Variants in FASTKD2 observed in about 807,000 individuals in gnomAD.
The protein encoded by FASTKD2 is FAST kinase domain-containing protein 2, mitochondrial.
FASTKD2 carries 51 observed loss-of-function variants against 63.6 expected under a neutral mutation model. The observed-to-expected ratio is 0.80, with a 90% CI of 0.64 to 1.01. FASTKD2 has a LOEUF of 1.01. FASTKD2 is among the 50% of genes least tolerant of loss of function. The probability of loss-of-function intolerance (pLI) is 0.00; values close to 1 mark genes in which losing one functional copy is unlikely to be tolerated. For synonymous variants in FASTKD2, 284 were observed against 293.4 expected (o/e 0.97, Z 0.33); for missense variants, 786 against 831.1 (o/e 0.95, Z 0.67).
rs1009660048 is a variant in FASTKD2, at chr2:206,796,163, A to G, written c.*4361A>G. 2.6e-5 allele frequency among the ~76,000 whole-genome samples: 4 copies of G among 152,252 alleles called. No individual in the cohort carries two copies. The highest frequency in any genetic ancestry group is 1.9e-4 in the East Asian group (1 of 5,204). On this transcript the variant is annotated 3_prime_UTR_variant, in exon 12 of 12. Coordinates refer to ENST00000402774, the MANE Select transcript of FASTKD2 (RefSeq NM_001136193.2). Reference sequence around the variant, plus strand: ...TGCACATATATATGTTATAGAATCAATAAAAATTGGATACTTTGCTTTAAA... The same window carrying G: ...TGCACATATATATGTTATAGAATCAGTAAAAATTGGATACTTTGCTTTAAA...
At chr2:206,774,422 T>G (rs1419901525) in intron 7 of FASTKD2, 25 bp downstream of exon 7, 1 of 1,447,948 alleles carries the variant, frequency 6.9e-7, no homozygotes, top group Non-Finnish European at 9.7e-7. Flanking sequence ...TTTTTTACCT[T>G]TTTTATTGCC....
In FASTKD2 at chr2:206,786,715, C is replaced by T. The variant is rs1361394406; in HGVS notation, c.1428-18C>T. 4 of 1,611,658 alleles carry T rather than the reference C, an allele frequency of 2.5e-6. No homozygotes were observed. Among genetic ancestry groups the T allele is most frequent in the Non-Finnish European group, 3.4e-6 (4 of 1,177,938 alleles). Reference sequence around the variant, plus strand: ...CCTTCTGTATATGTTGGGAAACTGACTTTTCTTTGTTCCCCAGACAGTTCG... The same window carrying T: ...CCTTCTGTATATGTTGGGAAACTGATTTTTCTTTGTTCCCCAGACAGTTCG... On this transcript the variant is annotated intron_variant, in intron 7 of 11. Coordinates refer to ENST00000402774, the MANE Select transcript of FASTKD2 (RefSeq NM_001136193.2).
intron 4 of FASTKD2, 87 bp downstream of exon 4, chr2:206,771,377 G>A (rs1391832806): frequency 2.5e-6 from 2 of 787,930 alleles, no homozygotes; most frequent in Non-Finnish European, 4.5e-6. Context: ...AATTTTCTAG[G>A]AGGACATTGC....
At chr2:206,775,060 T>C (rs1364789464) in intron 7 of FASTKD2, among the ~76,000 whole-genome samples, 4 of 152,046 alleles carry the variant, frequency 2.6e-5, no homozygotes, top group Admixed American at 2.0e-4. Flanking sequence ...TTGATCCACA[T>C]TGTAGCATGT....
chr2:206,787,921 C>G lies in FASTKD2; in HGVS notation c.1595-16C>G. 6.8e-7 allele frequency: 1 copy of G among 1,463,118 alleles called. No individual in the cohort carries two copies. The highest frequency in any genetic ancestry group is 2.3e-5 in the East Asian group (1 of 44,112). 90.6% of individuals were successfully genotyped at this position (1,463,118 alleles called of 1,614,324 possible). ...TTATTTCTTCTTAATGATATACTCT[C>G]TTTTTCATCTTTTAGATGACATGAA... is the stretch of plus-strand genomic sequence containing the variant. On this transcript the variant is annotated splice_polypyrimidine_tract_variant and intron_variant, in intron 8 of 11. Coordinates refer to ENST00000402774, the MANE Select transcript of FASTKD2 (RefSeq NM_001136193.2).
At position 206,767,104 on chromosome 2, in the gene FASTKD2, T is replaced by G. The variant is rs555751822; in HGVS notation, c.411T>G (p.His137Gln). ...DDELKKVNLN[H>Q]EVSNEDVLTK... ...AATTGAAGAAAGTAAACCTTAATCA[T>G]GAAGTCTCCAATGAAGATGTTCTTA... is the stretch of plus-strand genomic sequence containing the variant. The change falls in exon 2 of 12, where the codon CAT (histidine) becomes CAG (glutamine). Residue 137 changes from histidine to glutamine, a missense_variant. His to Gln is a conservative substitution (Grantham distance 24). Coordinates refer to ENST00000402774, the MANE Select transcript of FASTKD2 (RefSeq NM_001136193.2). 4.8e-5 allele frequency: 77 copies of G among 1,614,124 alleles called. 1 individual carries two copies. The South Asian group carries it at 7.8e-4, about 16-fold the overall frequency.
chr2:206,773,143 C>T (rs938407601), intron 6 of FASTKD2, among the ~76,000 whole-genome samples: 2 of 151,932 alleles, frequency 1.3e-5, no homozygotes, highest in African/African-American at 4.8e-5. Context: ...GGTGAAACCC[C>T]ATCTCTACTA....
At chr2:206,769,651 A>T (rs1689613611) in intron 2 of FASTKD2, among the ~76,000 whole-genome samples, 1 of 152,208 alleles carries the variant, frequency 6.6e-6, no homozygotes, top group African/African-American at 2.4e-5. Flanking sequence ...GGATCTAGGG[A>T]AATTGTAAAG....
At position 206,767,470 on chromosome 2, in the gene FASTKD2, G is replaced by C. The variant is rs1689553743; in HGVS notation, c.777G>C (p.Gln259His). ...TGCAGACTTTGCTGAGGGTGACCCA[G>C]GTAAAATAAAAAGGAGATTTAAACA... ...ILVQTLLRVT[Q>H]ERINECDEIC... Residue 259 changes from glutamine to histidine, a missense_variant and splice_region_variant, in exon 2 of 12, where the codon CAG (glutamine) becomes CAC (histidine). Transcript: ENST00000402774. The C allele has an allele frequency of 1.9e-6, 3 of 1,606,882 alleles. No homozygotes were observed. Among genetic ancestry groups the C allele is most frequent in the Non-Finnish European group, 2.5e-6 (3 of 1,179,072 alleles).
In FASTKD2 at chr2:206,791,089, A is replaced by G. The variant is rs538871921; in HGVS notation, c.2013+403A>G. 2.9e-5 allele frequency: 7 copies of G among 237,490 alleles called. No individual in the cohort carries two copies. In the East Asian group the frequency reaches 7.4e-4, roughly 25 times the overall value. The allele number at this position is 237,490 out of a possible 1,614,324, so 14.7% of individuals were successfully genotyped here. A position where few individuals can be genotyped will look rare whatever the true frequency, so the allele number is the denominator to read the frequency against. On this transcript the variant is annotated intron_variant, in intron 11 of 11. Transcript: ENST00000402774. ...GTTACAGGATGTTTGTTGCCAGAAAAGGCTGGATGGTTTTAAGAAGATGGG... is the reference window on the plus strand; with the variant it reads ...GTTACAGGATGTTTGTTGCCAGAAAGGGCTGGATGGTTTTAAGAAGATGGG...
At chr2:206,778,287 A>C (rs1027074294) in intron 7 of FASTKD2, among the ~76,000 whole-genome samples, 3 of 151,580 alleles carry the variant, frequency 2.0e-5, no homozygotes, top group Non-Finnish European at 2.9e-5. Context: ...GTTTATTGCT[A>C]TAAGTTTTCT....
chr2:206,773,339 G>C (rs947838115), intron 6 of FASTKD2, among the ~76,000 whole-genome samples: 2 of 149,548 alleles, frequency 1.3e-5, no homozygotes, highest in East Asian at 2.0e-4. Flanking sequence ...AAAAAAAAAG[G>C]GTTGTATGGT....
At chr2:206,785,299 G>A (rs1247353973) in intron 7 of FASTKD2, among the ~76,000 whole-genome samples, 1 of 152,152 alleles carries the variant, frequency 6.6e-6, no homozygotes, top group East Asian at 1.9e-4. Flanking sequence ...TATCATCTAG[G>A]ATATTTGGAA....
intron 7 of FASTKD2, 83 bp from the exon 8 acceptor site, chr2:206,786,650 T>C (rs1690144324): frequency 1.6e-6 from 2 of 1,251,980 alleles, no homozygotes; most frequent in Non-Finnish European, 2.4e-6. Context: ...GCAAGGCTGA[T>C]TTTCTTATCT....
At position 206,788,064 on chromosome 2, in the gene FASTKD2, A is replaced by G; in HGVS notation, c.1722A>G (p.Thr574=). The G allele has an allele frequency of 6.2e-7, 1 of 1,613,886 alleles. No individual in the cohort carries two copies. Among genetic ancestry groups the G allele is most frequent in the African/African-American group, 1.3e-5 (1 of 75,036 alleles). ...QLPRELPSSH[T]NAKVAEVLSS... Reference sequence around the variant, plus strand: ...CGCGGGAGCTGCCATCGTCACATACAAATGCAAAGGTGGCAGAGGTGCTGA... The same window carrying G: ...CGCGGGAGCTGCCATCGTCACATACGAATGCAAAGGTGGCAGAGGTGCTGA... Residue 574 remains threonine, a synonymous_variant, in exon 9 of 12, where the codon ACA becomes ACG. Coordinates refer to ENST00000402774, the MANE Select transcript of FASTKD2 (RefSeq NM_001136193.2).
At chr2:206,781,375 G>T (rs1174753893) in intron 7 of FASTKD2, among the ~76,000 whole-genome samples, 1 of 145,052 alleles carries the variant, frequency 6.9e-6, no homozygotes, top group Non-Finnish European at 1.5e-5. Flanking sequence ...GAGTGCAGTG[G>T]CACGATCTCG....
At chr2:206,785,891 C>A (rs1690125801) in intron 7 of FASTKD2, among the ~76,000 whole-genome samples, 1 of 152,144 alleles carries the variant, frequency 6.6e-6, no homozygotes, top group South Asian at 2.1e-4. Context: ...AAGAAACACT[C>A]CTCTGTACCT....
Position 206,793,234 on chromosome 2 carries a change from A to AC in FASTKD2, c.*1432_*1433insC, listed in dbSNP as rs1336829736. 2.0e-5 allele frequency among the ~76,000 whole-genome samples: 3 copies of AC among 146,814 alleles called. No homozygotes were observed. The highest frequency in any genetic ancestry group is 2.1e-4 in the South Asian group (1 of 4,674). On this transcript the variant is annotated 3_prime_UTR_variant, in exon 12 of 12. Coordinates refer to ENST00000402774, the MANE Select transcript of FASTKD2 (RefSeq NM_001136193.2). ...AGACTCTGTCTCAAAAAAAAAAAAA[A>AC]AAAAAAAAAAAAAAAAATACAAAAA...
Position 206,767,454 on chromosome 2 carries a change from T to G in FASTKD2, c.761T>G (p.Leu254Trp). The G allele has an allele frequency of 6.2e-7, 1 of 1,611,034 alleles. No homozygotes were observed. Among genetic ancestry groups the G allele is most frequent in the Non-Finnish European group, 8.5e-7 (1 of 1,179,942 alleles). ...CAGAACACTATTTTGGTGCAGACTT[T>G]GCTGAGGGTGACCCAGGTAAAATAA... ...IPQNTILVQT[L>W]LRVTQERINE... Residue 254 changes from leucine to tryptophan, a missense_variant, in exon 2 of 12, where the codon TTG becomes TGG. Coordinates refer to ENST00000402774, the MANE Select transcript of FASTKD2 (RefSeq NM_001136193.2).
Sources: gnomAD v4.1 joint callset for allele counts (sites outside exome capture counted in the v4.1 genomes callset) on GRCh38, gnomAD v4.1.1 for gene constraint, MANE v1.5 for transcripts, NCBI Gene and HGNC (gene_info 2026-07-23, HGNC 2026-07-21) for gene names.